The following KATNA1 variants were observed in gnomAD, a reference collection of about 807,000 sequenced individuals.
The protein encoded by KATNA1 is katanin catalytic subunit A1.
Under a neutral mutation model 62.6 loss-of-function variants are expected in KATNA1, and 42 were observed. The ratio of observed to expected loss-of-function variants is 0.67; its 90% CI spans 0.52 to 0.87. KATNA1 has a LOEUF of 0.87. KATNA1 is among the 40% of genes least tolerant of loss of function. KATNA1 has a pLI of 0.00. For synonymous variants in KATNA1, 186 were observed against 201.9 expected, an observed-to-expected ratio of 0.92 and a Z score of 0.67; for missense variants, 498 against 612.5, an observed-to-expected ratio of 0.81 and a Z score of 1.97.
intron 1 of KATNA1, among the ~76,000 whole-genome samples, chr6:149,641,222 G>A (rs1205067945): frequency 7.0e-6 from 1 of 143,140 alleles, no homozygotes; most frequent in East Asian, 2.2e-4. Flanking sequence ...TGTCACCCAG[G>A]CTGGAGTGCG....
intron 4 of KATNA1, among the ~76,000 whole-genome samples, chr6:149,607,355 C>T (rs914084452): frequency 1.3e-5 from 2 of 152,112 alleles, no homozygotes; most frequent in Non-Finnish European, 2.9e-5. Flanking sequence ...GTGGCTCATG[C>T]CTATAATTCT....
chr6:149,624,188 T>G (rs1052314477), intron 3 of KATNA1, among the ~76,000 whole-genome samples: 5 of 152,186 alleles, frequency 3.3e-5, no homozygotes, highest in South Asian at 2.1e-4. Flanking sequence ...TGGCATGACC[T>G]TTGAGTGTCA....
At chr6:149,647,507 G>A (rs1464982969) in intron 1 of KATNA1, among the ~76,000 whole-genome samples, 2 of 106,892 alleles carry the variant, frequency 1.9e-5, no homozygotes, top group African/African-American at 3.7e-5. Context: ...TGGCGACAGA[G>A]CAAGACTCCG....
intron 2 of KATNA1, among the ~76,000 whole-genome samples, chr6:149,633,905 G>A (rs1049555901): frequency 3.3e-5 from 5 of 151,624 alleles, no homozygotes; most frequent in East Asian, 1.9e-4. Flanking sequence ...GCGGCAAGCC[G>A]GAGATCACAC....
chr6:149,632,800 A>G lies in KATNA1; in HGVS notation c.279T>C (p.Ser93=), dbSNP rs1165416286. 6.2e-7 allele frequency: 1 copy of G among 1,613,752 alleles called. No homozygotes were observed. Among genetic ancestry groups the G allele is most frequent in the Non-Finnish European group, 8.5e-7 (1 of 1,179,908 alleles). ...LKAAQHDLPA[S]EGEVWSMPVP... ...CAGGCATGGACCAGACTTCTCCCTC[A>G]GAAGCTGGAAGGTCATGCTGTGCCG... Residue 93 remains serine (S), a synonymous_variant, in exon 3 of 11, where the codon TCT becomes TCC. Transcript: ENST00000367411.
chr6:149,639,607 A>T (rs1260677275), intron 1 of KATNA1, among the ~76,000 whole-genome samples: 2 of 152,106 alleles, frequency 1.3e-5, no homozygotes, highest in Non-Finnish European at 2.9e-5. Flanking sequence ...CAAAAAATAA[A>T]AAAATAAAAT....
intron 4 of KATNA1, among the ~76,000 whole-genome samples, chr6:149,619,634 C>T (rs965954306): frequency 2.0e-5 from 3 of 150,808 alleles, no homozygotes; most frequent in Non-Finnish European, 1.5e-5. Context: ...AAGACAAAAA[C>T]TAACAAATGC....
At chr6:149,615,321 C>T (rs931594911) in intron 4 of KATNA1, among the ~76,000 whole-genome samples, 8 of 150,982 alleles carry the variant, frequency 5.3e-5, no homozygotes, top group Non-Finnish European at 1.2e-4. Flanking sequence ...TCTCATGCCT[C>T]GGCCTCCTGA....
chr6:149,607,655 C>T (rs9377229), intron 4 of KATNA1, among the ~76,000 whole-genome samples: 80,277 of 152,042 alleles, frequency 0.53, 24,472 homozygotes, highest in East Asian at 0.83. Flanking sequence ...AAACAGTAAC[C>T]AGTAGGAAGT....
At chr6:149,634,051 T>C (rs967240106) in intron 2 of KATNA1, among the ~76,000 whole-genome samples, 7 of 151,972 alleles carry the variant, frequency 4.6e-5, no homozygotes, top group African/African-American at 1.5e-4. Flanking sequence ...GGAGGGCAGA[T>C]CACCTGAGGT....
At chr6:149,606,775 T>C (rs576629227) in intron 4 of KATNA1, among the ~76,000 whole-genome samples, 73 of 152,196 alleles carry the variant, frequency 4.8e-4, no homozygotes, top group African/African-American at 1.6e-3. Context: ...TGTACCACCA[T>C]GCCTGGCTAA....
intron 10 of KATNA1, among the ~76,000 whole-genome samples, chr6:149,595,814 T>TCTTTAGAGAGC (rs1291290559): frequency 6.6e-6 from 1 of 152,228 alleles, no homozygotes; most frequent in African/African-American, 2.4e-5. Context: ...TGTGGTATGC[T>TCTTTAGAGAGC]CACTTTAGAA....
intron 2 of KATNA1, among the ~76,000 whole-genome samples, chr6:149,633,219 T>C: frequency 6.7e-6 from 1 of 150,248 alleles, no homozygotes; most frequent in South Asian, 2.1e-4. Flanking sequence ...GCCATTCTCC[T>C]GCCTCAGCCT....
intron 4 of KATNA1, among the ~76,000 whole-genome samples, chr6:149,620,186 TG>T (rs1484125523): frequency 6.6e-6 from 1 of 152,080 alleles, no homozygotes; most frequent in Admixed American, 6.6e-5. Context: ...GAGGCTGGGA[TG>T]GGTAGGGGAA....
At chr6:149,598,867 A>AT (rs1173073107) in intron 7 of KATNA1, among the ~76,000 whole-genome samples, 7 of 151,784 alleles carry the variant, frequency 4.6e-5, no homozygotes, top group African/African-American at 1.5e-4. Flanking sequence ...TTTTTTATTT[A>AT]TTTATTTTTT....
chr6:149,645,456 C>CAAAAAAAAAAAAAAAA (rs201041700), intron 1 of KATNA1, among the ~76,000 whole-genome samples: 6 of 123,776 alleles, frequency 4.8e-5, no homozygotes, highest in East Asian at 2.1e-4. Flanking sequence ...AAACAAAAAA[C>CAAAAAAAAAAAAAAAA]AAAAAAAAAA....
At chr6:149,635,832 A>G (rs1473574662) in intron 2 of KATNA1, among the ~76,000 whole-genome samples, 1 of 152,018 alleles carries the variant, frequency 6.6e-6, no homozygotes, top group Non-Finnish European at 1.5e-5. Context: ...CGAGGCAAGC[A>G]GATCACCTGA....
At chr6:149,631,039 T>C (rs1228194835) in intron 3 of KATNA1, among the ~76,000 whole-genome samples, 2 of 152,146 alleles carry the variant, frequency 1.3e-5, no homozygotes, top group African/African-American at 4.8e-5. Context: ...CTTATTGCAA[T>C]AAAATAACAC....
chr6:149,597,269 A>G (rs1778361507), intron 9 of KATNA1, 80 bp from the exon 10 acceptor site: 1 of 1,449,972 alleles, frequency 6.9e-7, no homozygotes, highest in Admixed American at 2.1e-5. Flanking sequence ...TCTTTGTGTG[A>G]GATGTTGTCT....
Sources: gnomAD v4.1 joint callset for allele counts (sites outside exome capture counted in the v4.1 genomes callset) on GRCh38, gnomAD v4.1.1 for gene constraint, MANE v1.5 for transcripts, NCBI Gene and HGNC (gene_info 2026-07-23, HGNC 2026-07-21) for gene names.